Variants in SLC39A11 observed in about 807,000 individuals in gnomAD.
The protein encoded by SLC39A11 is solute carrier family 39 member 11, also known as zinc transporter ZIP11.
A neutral mutation model predicts 36.1 loss-of-function variants in SLC39A11; 33 were observed. The observed-to-expected ratio is 0.91, with a 90% CI of 0.69 to 1.22. SLC39A11 has a LOEUF of 1.22. Ranked by LOEUF, SLC39A11 falls within the 50% of genes most tolerant of loss-of-function variation. The pLI is 0.00. For synonymous variants in SLC39A11, 166 were observed against 170.3 expected (o/e 0.97, Z 0.20); for missense variants, 432 against 430.3 (o/e 1.00, Z -0.03).
At chr17:73,003,831 A>C (rs902633179) in intron 4 of SLC39A11, among the ~76,000 whole-genome samples, 10 of 152,102 alleles carry the variant, frequency 6.6e-5, no homozygotes, top group African/African-American at 2.4e-4. Flanking sequence ...CATGCCTATA[A>C]TCTCAGCACT....
chr17:72,736,538 TG>T, intron 7 of SLC39A11, 111 bp downstream of exon 7: 1 of 892,986 alleles, frequency 1.1e-6, no homozygotes. Flanking sequence ...CTTGGTCCTG[TG>T]GGGCTGGGGT....
chr17:72,802,012 A>ACT (rs2077100384), intron 6 of SLC39A11, among the ~76,000 whole-genome samples: 1 of 152,228 alleles, frequency 6.6e-6, no homozygotes, highest in Non-Finnish European at 1.5e-5. Flanking sequence ...CCGTAGAATC[A>ACT]CTGTGAAGAT....
chr17:72,887,205 A>G (rs903544310), intron 5 of SLC39A11, among the ~76,000 whole-genome samples: 4 of 152,206 alleles, frequency 2.6e-5, no homozygotes, highest in African/African-American at 7.2e-5. Context: ...TGAGTGAGTG[A>G]ATGAATAAAT....
chr17:73,051,107 A>G (rs147593770), intron 3 of SLC39A11, among the ~76,000 whole-genome samples: 48 of 152,300 alleles, frequency 3.2e-4, no homozygotes, highest in African/African-American at 1.1e-3. Context: ...CAGCTGGGCC[A>G]CGCTCCCTCT....
At chr17:72,842,942 G>T in intron 6 of SLC39A11, among the ~76,000 whole-genome samples, 1 of 151,940 alleles carries the variant, frequency 6.6e-6, no homozygotes, top group Non-Finnish European at 1.5e-5. Flanking sequence ...CTAAAGGGGA[G>T]GGTTTTTTGC....
At chr17:72,899,118 G>A (rs546471436) in intron 5 of SLC39A11, among the ~76,000 whole-genome samples, 2 of 152,266 alleles carry the variant, frequency 1.3e-5, no homozygotes, top group Non-Finnish European at 2.9e-5. Context: ...ACTTTCAGAG[G>A]TGGACATTAG....
intron 5 of SLC39A11, among the ~76,000 whole-genome samples, chr17:72,916,913 G>T (rs775067264): frequency 1.3e-5 from 2 of 152,174 alleles, no homozygotes; most frequent in Non-Finnish European, 2.9e-5. Flanking sequence ...CACACATAGG[G>T]AGACTTTAAT....
chr17:72,815,145 C>T (rs544823760), intron 6 of SLC39A11, among the ~76,000 whole-genome samples: 13 of 152,262 alleles, frequency 8.5e-5, no homozygotes, highest in Admixed American at 3.3e-4. Context: ...ACTGGTCCAT[C>T]GGGATTGCAT....
intron 3 of SLC39A11, among the ~76,000 whole-genome samples, chr17:73,046,836 G>A (rs930248269): frequency 1.3e-5 from 2 of 152,002 alleles, no homozygotes; most frequent in Non-Finnish European, 2.9e-5. Flanking sequence ...AGCTACTTGG[G>A]AGGCTGAAGT....
At chr17:72,913,882 T>C (rs1272612835) in intron 5 of SLC39A11, among the ~76,000 whole-genome samples, 1 of 152,090 alleles carries the variant, frequency 6.6e-6, no homozygotes, top group Non-Finnish European at 1.5e-5. Context: ...TTTTTAAATG[T>C]CAAAAATTCT....
chr17:72,996,223 C>A (rs931893692), intron 4 of SLC39A11, among the ~76,000 whole-genome samples: 3 of 152,210 alleles, frequency 2.0e-5, no homozygotes, highest in Admixed American at 6.5e-5. Flanking sequence ...TGCCTGGTGT[C>A]TCGGCCCCGT....
intron 5 of SLC39A11, among the ~76,000 whole-genome samples, chr17:72,881,865 G>A (rs540551918): frequency 1.1e-3 from 162 of 152,226 alleles, no homozygotes; most frequent in African/African-American, 3.7e-3. Context: ...GCTTTTCTTC[G>A]GCAGCCACAG....
At chr17:73,079,771 A>G (rs2060454076) in intron 3 of SLC39A11, among the ~76,000 whole-genome samples, 1 of 152,200 alleles carries the variant, frequency 6.6e-6, no homozygotes, top group South Asian at 2.1e-4. Flanking sequence ...AAAACCTCCT[A>G]GAACTGATAC....
chr17:72,754,676 G>A (rs190757636), intron 6 of SLC39A11, among the ~76,000 whole-genome samples: 5 of 152,246 alleles, frequency 3.3e-5, no homozygotes, highest in African/African-American at 9.6e-5. Flanking sequence ...GGCCGCAGCC[G>A]GGGTGACACA....
At chr17:72,964,922 A>C (rs1057130680) in intron 4 of SLC39A11, among the ~76,000 whole-genome samples, 49 of 152,358 alleles carry the variant, frequency 3.2e-4, no homozygotes, top group Middle Eastern at 3.4e-3. Flanking sequence ...CTACGCAGCC[A>C]TAAAAAAGGA....
At chr17:72,650,678 G>A (rs960648759) in intron 7 of SLC39A11, among the ~76,000 whole-genome samples, 22 of 152,218 alleles carry the variant, frequency 1.4e-4, no homozygotes, top group African/African-American at 5.1e-4. Context: ...TGTGTGGCCC[G>A]AGGGAATTGT....
At chr17:72,842,101 T>C (rs943457295) in intron 6 of SLC39A11, among the ~76,000 whole-genome samples, 4 of 151,056 alleles carry the variant, frequency 2.6e-5, no homozygotes, top group Middle Eastern at 3.4e-3. Flanking sequence ...TGTGTGTGTG[T>C]GCACGCACGC....
chr17:72,662,874 T>A (rs2070538307), intron 7 of SLC39A11, among the ~76,000 whole-genome samples: 1 of 152,162 alleles, frequency 6.6e-6, no homozygotes, highest in Non-Finnish European at 1.5e-5. Flanking sequence ...GTGCTGTTAT[T>A]CATGGCAGTG....
intron 4 of SLC39A11, among the ~76,000 whole-genome samples, chr17:73,029,208 G>A (rs1037592881): frequency 6.6e-6 from 1 of 151,810 alleles, no homozygotes; most frequent in Non-Finnish European, 1.5e-5. Context: ...TCAGACAGCT[G>A]ACCAAATACA....
Sources: allele counts gnomAD v4.1 joint callset (sites outside exome capture counted in the v4.1 genomes callset), GRCh38; gene constraint gnomAD v4.1.1; transcripts MANE v1.5; gene names NCBI Gene and HGNC (gene_info 2026-07-23, HGNC 2026-07-21).